The following VPS13A variants were observed in gnomAD, a reference collection of about 807,000 sequenced individuals.
The protein encoded by VPS13A is intermembrane lipid transfer protein VPS13A.
Under a neutral mutation model 390.9 loss-of-function variants are expected in VPS13A, and 264 were observed. That is an observed-to-expected ratio of 0.68 (90% CI 0.61 to 0.75). The LOEUF (loss-of-function observed/expected upper bound fraction) is 0.75. Among genes scored for constraint, VPS13A ranks in the 30% least tolerant of loss-of-function variants. The pLI is 0.00. For synonymous variants in VPS13A, 1,231 were observed against 1,227.1 expected (o/e 1.00, Z -0.07); for missense variants, 3,409 against 3,733.9 (o/e 0.91, Z 2.27).
intron 19 of VPS13A, among the ~76,000 whole-genome samples, chr9:77,242,438 C>T (rs1414645881): frequency 1.3e-5 from 2 of 152,042 alleles, no homozygotes; most frequent in Non-Finnish European, 1.5e-5. Flanking sequence ...TATGTGTCTT[C>T]TCTGGCTTTT....
In VPS13A at chr9:77,305,165, C is replaced by T. The variant is rs201385901; in HGVS notation, c.3960+2103C>T. ...GTGTTAGCCAGGATGGTCTTGATCTCCTGACCTCGTGATCCACCCCCCTTG... is the reference window on the plus strand; with the variant it reads ...GTGTTAGCCAGGATGGTCTTGATCTTCTGACCTCGTGATCCACCCCCCTTG... On this transcript the variant is annotated intron_variant, in intron 34 of 71. Coordinates refer to ENST00000360280, the MANE Select transcript of VPS13A (RefSeq NM_033305.3). 6.0e-4 allele frequency among the ~76,000 whole-genome samples: 91 copies of T among 152,240 alleles called. No homozygotes were observed. The East Asian group carries it at 0.016, about 27-fold the overall frequency.
Position 77,365,592 on chromosome 9 carries a change from T to G in VPS13A, c.8325+19T>G. On this transcript the variant is annotated intron_variant, in intron 60 of 71. Coordinates refer to ENST00000360280, the MANE Select transcript of VPS13A (RefSeq NM_033305.3). ...TATCAAGGTAGGAGAAAGTCATTTTTATTGTCCTTGATAATCTAGGTAATA... is the reference window on the plus strand; with the variant it reads ...TATCAAGGTAGGAGAAAGTCATTTTGATTGTCCTTGATAATCTAGGTAATA... 1 of 1,496,474 alleles carries G rather than the reference T, an allele frequency of 6.7e-7. No individual in the cohort carries two copies. The highest frequency in any genetic ancestry group is 1.4e-5 in the African/African-American group (1 of 72,540). The allele number at this position is 1,496,474 out of a possible 1,614,324, so 92.7% of individuals were successfully genotyped here.
chr9:77,215,601 A>G (rs145248527), intron 10 of VPS13A, among the ~76,000 whole-genome samples: 12 of 152,354 alleles, frequency 7.9e-5, no homozygotes, highest in East Asian at 3.9e-4. Flanking sequence ...ATTACCAACT[A>G]TAAGAGGAGA....
intron 23 of VPS13A, among the ~76,000 whole-genome samples, chr9:77,264,567 G>T (rs889943732): frequency 5.9e-5 from 9 of 152,282 alleles, no homozygotes; most frequent in African/African-American, 1.9e-4. Flanking sequence ...AATTGTGAAT[G>T]GGAGTTCACT....
intron 59 of VPS13A, 27 bp downstream of exon 59, chr9:77,360,668 T>C (rs767985110): frequency 4.7e-6 from 7 of 1,490,420 alleles, no homozygotes; most frequent in Non-Finnish European, 5.6e-6. Flanking sequence ...TAACATTTGA[T>C]GGAAAGGATT....
intron 31 of VPS13A, among the ~76,000 whole-genome samples, chr9:77,287,086 C>T (rs1158430649): frequency 1.3e-5 from 2 of 149,696 alleles, no homozygotes; most frequent in African/African-American, 4.9e-5. Context: ...ACTAATTTAC[C>T]AGTATTTATA....
At chr9:77,285,649 G>A (rs946574862) in intron 31 of VPS13A, among the ~76,000 whole-genome samples, 62 of 152,240 alleles carry the variant, frequency 4.1e-4, no homozygotes, top group African/African-American at 1.4e-3. Context: ...AATGAGTTGG[G>A]AAATGCTTTC....
chr9:77,191,234 A>G (rs540871785), intron 1 of VPS13A, among the ~76,000 whole-genome samples: 1 of 147,222 alleles, frequency 6.8e-6, no homozygotes, highest in South Asian at 2.1e-4. Context: ...ATTCTGGTAT[A>G]TTGTATCTTT....
intron 22 of VPS13A, among the ~76,000 whole-genome samples, chr9:77,258,377 G>A: frequency 6.6e-6 from 1 of 152,140 alleles, no homozygotes; most frequent in Non-Finnish European, 1.5e-5. Flanking sequence ...TACATGGGGT[G>A]GACATTGTTT....
chr9:77,268,192 G>A (rs143889247), intron 23 of VPS13A, among the ~76,000 whole-genome samples: 1 of 152,228 alleles, frequency 6.6e-6, no homozygotes, highest in Non-Finnish European at 1.5e-5. Context: ...TGCCACTGGG[G>A]TATGAAAGAA....
intron 19 of VPS13A, among the ~76,000 whole-genome samples, chr9:77,244,008 G>A (rs1824659155): frequency 6.6e-6 from 1 of 152,148 alleles, no homozygotes. Context: ...GTGGCCGAGC[G>A]GGGAGGAACA....
chr9:77,359,063 G>T (rs1408936447), intron 57 of VPS13A, among the ~76,000 whole-genome samples: 1 of 152,126 alleles, frequency 6.6e-6, no homozygotes, highest in African/African-American at 2.4e-5. Flanking sequence ...CCCAGAATCT[G>T]TTTTCACAAA....
intron 22 of VPS13A, 59 bp from the exon 23 acceptor site, chr9:77,260,027 A>C: frequency 1.9e-6 from 2 of 1,063,180 alleles, no homozygotes; most frequent in Non-Finnish European, 2.7e-6. Context: ...CTTTTTAATT[A>C]GTGCACTTAA....
At chr9:77,378,713 A>G (rs928003615) in intron 67 of VPS13A, among the ~76,000 whole-genome samples, 5 of 150,420 alleles carry the variant, frequency 3.3e-5, no homozygotes, top group African/African-American at 1.2e-4. Context: ...TCTAATTTTT[A>G]TTATTTTCTT....
intron 22 of VPS13A, among the ~76,000 whole-genome samples, chr9:77,258,295 G>C (rs1343708740): frequency 6.6e-6 from 1 of 152,142 alleles, no homozygotes; most frequent in East Asian, 1.9e-4. Flanking sequence ...ACATGAGAAG[G>C]CTTCATGCCT....
intron 68 of VPS13A, among the ~76,000 whole-genome samples, chr9:77,386,803 G>C (rs1315650420): frequency 1.3e-5 from 2 of 151,450 alleles, no homozygotes; most frequent in Non-Finnish European, 2.9e-5. Context: ...CACCTCCTGG[G>C]TTCACGCCAT....
chr9:77,265,787 A>C (rs11521835), intron 23 of VPS13A, among the ~76,000 whole-genome samples: 1 of 150,514 alleles, frequency 6.6e-6, no homozygotes, highest in East Asian at 2.0e-4. Flanking sequence ...TCGTGTCTCT[A>C]TCTCCTTCAT....
In VPS13A at chr9:77,317,591, A is replaced by G; in HGVS notation, c.4864-15A>G. The G allele has an allele frequency of 1.3e-6, 2 of 1,581,494 alleles. No homozygotes were observed. The highest frequency in any genetic ancestry group is 1.7e-6 in the Non-Finnish European group (2 of 1,159,268). ...TTTAAACATTAATTTAGTGGTATTGATTTTTCTCTCATAGGTTTTGCAGCC... is the reference window on the plus strand; with the variant it reads ...TTTAAACATTAATTTAGTGGTATTGGTTTTTCTCTCATAGGTTTTGCAGCC... On this transcript the variant is annotated splice_polypyrimidine_tract_variant and intron_variant, in intron 39 of 71. Coordinates refer to ENST00000360280, the MANE Select transcript of VPS13A (RefSeq NM_033305.3).
At chr9:77,202,938 G>T (rs896181743) in intron 3 of VPS13A, among the ~76,000 whole-genome samples, 32 of 152,180 alleles carry the variant, frequency 2.1e-4, no homozygotes, top group African/African-American at 7.5e-4. Context: ...GAGAAGAAGT[G>T]GGTTTAATTT....
Sources: gnomAD v4.1 joint callset for allele counts (sites outside exome capture counted in the v4.1 genomes callset) on GRCh38, gnomAD v4.1.1 for gene constraint, MANE v1.5 for transcripts, NCBI Gene and HGNC (gene_info 2026-07-23, HGNC 2026-07-21) for gene names.